Variants in CAPN2 observed in about 807,000 individuals in gnomAD.
CAPN2 encodes calpain 2.
CAPN2 carries 92 observed loss-of-function variants against 102.3 expected under a neutral mutation model. The observed-to-expected ratio is 0.90, with a 90% CI of 0.76 to 1.07. The LOEUF (loss-of-function observed/expected upper bound fraction) is 1.07, where lower values mean the gene tolerates loss of function less well. Among genes scored for constraint, CAPN2 ranks in the 50% least tolerant of loss-of-function variants. The pLI, the probability that CAPN2 is intolerant of heterozygous loss-of-function variation, is 0.00. For synonymous variants in CAPN2, 340 were observed against 355.4 expected (o/e 0.96, Z 0.49); for missense variants, 800 against 909.4 (o/e 0.88, Z 1.55).
In CAPN2 at chr1:223,759,624, G is replaced by A; in HGVS notation, c.1529+143G>A. The A allele has an allele frequency of 1.6e-6, 1 of 644,080 alleles. No homozygotes were observed. The highest frequency in any genetic ancestry group is 2.7e-6 in the Non-Finnish European group (1 of 374,560). The allele number at this position is 644,080 out of a possible 1,614,324, so 39.9% of individuals were successfully genotyped here. On this transcript the variant is annotated intron_variant, in intron 12 of 20. Coordinates refer to ENST00000295006, the MANE Select transcript of CAPN2 (RefSeq NM_001748.5). The surrounding 1 kb of genome is among the most constrained non-coding windows in gnomAD (Gnocchi z 4.6). ...CTGCCCACCTCGAAGGACTAGTGTG[G>A]GGATTTGATGGATTGAGGAAGTTCT...
In CAPN2 at chr1:223,756,706, C is replaced by T. The variant is rs1401420682; in HGVS notation, c.1306-663C>T. On this transcript the variant is annotated intron_variant, in intron 10 of 20. Coordinates refer to ENST00000295006, the MANE Select transcript of CAPN2 (RefSeq NM_001748.5). This position sits in a 1 kb window ranked among gnomAD's most constrained non-coding sequence, Gnocchi z 4.1. Reference sequence around the variant, plus strand: ...CCTGAGAAAGGCAGCTGGGCAAATACCATCAGTTGTAAAAATGCACATAGG... The same window carrying T: ...CCTGAGAAAGGCAGCTGGGCAAATATCATCAGTTGTAAAAATGCACATAGG... 6.6e-6 allele frequency among the ~76,000 whole-genome samples: 1 copy of T among 152,170 alleles called. No individual in the cohort carries two copies. Among genetic ancestry groups the T allele is most frequent in the Non-Finnish European group, 1.5e-5 (1 of 68,048 alleles).
At chr1:223,706,967 C>G (rs981832584) in intron 1 of CAPN2, among the ~76,000 whole-genome samples, 5 of 151,644 alleles carry the variant, frequency 3.3e-5, no homozygotes, top group African/African-American at 1.2e-4. Flanking sequence ...GTAATCCCAG[C>G]TACTCAAGAG....
At chr1:223,768,125 T>A (rs1231104464) in intron 16 of CAPN2, among the ~76,000 whole-genome samples, 1 of 151,834 alleles carries the variant, frequency 6.6e-6, no homozygotes, top group African/African-American at 2.4e-5. Context: ...GAAAATTTTC[T>A]CCCATTTTGT....
Position 223,754,378 on chromosome 1 carries a change from G to A in CAPN2, c.1136-1102G>A, listed in dbSNP as rs1452090220. Among the ~76,000 whole-genome samples, 3 of 152,170 alleles carry A rather than the reference G, an allele frequency of 2.0e-5. No individual in the cohort carries two copies. The highest frequency in any genetic ancestry group is 1.9e-4 in the East Asian group (1 of 5,200). On this transcript the variant is annotated intron_variant, in intron 9 of 20. Coordinates refer to ENST00000295006, the MANE Select transcript of CAPN2 (RefSeq NM_001748.5). This position sits in a 1 kb window ranked among gnomAD's most constrained non-coding sequence, Gnocchi z 4.7. ...CCTCCTACCCACTAGATCAGGAGTCGGAAAACTCCCTCTAAAGGGTCAGAT... is the reference window on the plus strand; with the variant it reads ...CCTCCTACCCACTAGATCAGGAGTCAGAAAACTCCCTCTAAAGGGTCAGAT...
chr1:223,720,226 C>CAT (rs1203810018), intron 2 of CAPN2, among the ~76,000 whole-genome samples: 1 of 151,992 alleles, frequency 6.6e-6, no homozygotes, highest in Non-Finnish European at 1.5e-5. Context: ...ATTCTAAAGC[C>CAT]ATTCCCGGGT....
chr1:223,756,771 C>A lies in CAPN2; in HGVS notation c.1306-598C>A, dbSNP rs752001770. Among the ~76,000 whole-genome samples the A allele has an allele frequency of 6.6e-6, 1 of 152,216 alleles. No homozygotes were observed. The highest frequency in any genetic ancestry group is 1.5e-5 in the Non-Finnish European group (1 of 68,048). ...TCTCTGAAACAGGAGCTGAGGACTT[C>A]GGATCTGGGACAGAATCGATCCAAG... On this transcript the variant is annotated intron_variant, in intron 10 of 20. Transcript: ENST00000295006. The surrounding 1 kb of genome is among the most constrained non-coding windows in gnomAD (Gnocchi z 4.1).
Position 223,725,579 on chromosome 1 carries a change from T to G in CAPN2, c.307+7748T>G, listed in dbSNP as rs1263155233. ...GCGTCGCTGAGGTGGAGACACATTG[T>G]GGCACATCTTGAATACCCGACTGGG... On this transcript the variant is annotated intron_variant, in intron 2 of 20. Transcript: ENST00000295006. The surrounding 1 kb of genome is among the most constrained non-coding windows in gnomAD (Gnocchi z 4.1). Among the ~76,000 whole-genome samples, 2 of 152,208 alleles carry G rather than the reference T, an allele frequency of 1.3e-5. No homozygotes were observed. The highest frequency in any genetic ancestry group is 4.8e-5 in the African/African-American group (2 of 41,440).
chr1:223,774,958 G>T lies in CAPN2; in HGVS notation c.*101G>T. ...TTGTATCTGGACCTCAAAATTATGG[G>T]AACATTTACTTAAACGGATGATCAT... On this transcript the variant is annotated 3_prime_UTR_variant, in exon 21 of 21. Coordinates refer to ENST00000295006, the MANE Select transcript of CAPN2 (RefSeq NM_001748.5). 2 of 959,964 alleles carry T rather than the reference G, an allele frequency of 2.1e-6. No homozygotes were observed. Among genetic ancestry groups the T allele is most frequent in the South Asian group, 1.4e-5 (1 of 71,938 alleles). The allele number at this position is 959,964 out of a possible 1,614,324, so 59.5% of individuals were successfully genotyped here.
intron 7 of CAPN2, among the ~76,000 whole-genome samples, chr1:223,751,259 C>T (rs1343479755): frequency 1.3e-5 from 2 of 152,164 alleles, no homozygotes; most frequent in Non-Finnish European, 2.9e-5. Context: ...TCAAATCCAC[C>T]CTTCTATGGG....
chr1:223,722,281 CTTTTTTTTTTTTTTTT>C (rs34894876), intron 2 of CAPN2, among the ~76,000 whole-genome samples: 3 of 85,514 alleles, frequency 3.5e-5, no homozygotes, highest in African/African-American at 1.3e-4. Flanking sequence ...TTCTTTCTTT[CTTTTTTTTTTTTTTTT>C]TTTTTTTTGA....
chr1:223,766,787 T>C (rs1007492702), intron 16 of CAPN2, among the ~76,000 whole-genome samples: 4 of 151,978 alleles, frequency 2.6e-5, no homozygotes, highest in South Asian at 2.1e-4. Context: ...TGGTGAAACC[T>C]TGTCTCTACT....
At chr1:223,723,462 C>T (rs1424060432) in intron 2 of CAPN2, among the ~76,000 whole-genome samples, 1 of 152,136 alleles carries the variant, frequency 6.6e-6, no homozygotes, top group Non-Finnish European at 1.5e-5. Context: ...TCCCAGCACC[C>T]CCCTTACCAG....
intron 16 of CAPN2, among the ~76,000 whole-genome samples, chr1:223,767,226 A>G (rs1661360995): frequency 6.6e-6 from 1 of 151,980 alleles, no homozygotes; most frequent in Non-Finnish European, 1.5e-5. Context: ...TTTAGGGTAC[A>G]TGTGCACAAT....
chr1:223,772,580 A>G lies in CAPN2; in HGVS notation c.2079+341A>G, dbSNP rs553506724. The G allele has an allele frequency of 1.6e-5, 4 of 250,858 alleles. No individual in the cohort carries two copies. In the East Asian group the frequency reaches 3.2e-4, roughly 20 times the overall value. 15.5% of individuals were successfully genotyped at this position (250,858 alleles called of 1,614,324 possible). ...AGGGAGAACATGTTTATATAAAGAA[A>G]TCCTTCAGCTGAAATTCAAGTTGGG... On this transcript the variant is annotated intron_variant, in intron 20 of 20. Transcript: ENST00000295006.
In CAPN2 at chr1:223,726,486, C is replaced by T. The variant is rs1322862850; in HGVS notation, c.307+8655C>T. 1.3e-5 allele frequency among the ~76,000 whole-genome samples: 2 copies of T among 152,146 alleles called. No individual in the cohort carries two copies. Among genetic ancestry groups the T allele is most frequent in the South Asian group, 2.1e-4 (1 of 4,828 alleles). ...GACAAAACATGCAACAGGTTATGTC[C>T]TTCTGGTCCAGGGCACGGCTGAGAC... On this transcript the variant is annotated intron_variant, in intron 2 of 20. Coordinates refer to ENST00000295006, the MANE Select transcript of CAPN2 (RefSeq NM_001748.5). The surrounding 1 kb of genome is among the most constrained non-coding windows in gnomAD (Gnocchi z 4.4).
chr1:223,748,466 G>A (rs3767716), intron 5 of CAPN2, among the ~76,000 whole-genome samples: 25,185 of 152,252 alleles, frequency 0.17, 2,793 homozygotes, highest in African/African-American at 0.3. Context: ...GGAAAGGAGA[G>A]GCTGTGAGGC....
rs971021799 is a variant in CAPN2 at position 223,750,984 on chromosome 1, G to A, written c.899+9G>A. On this transcript the variant is annotated intron_variant, in intron 7 of 20. Coordinates refer to ENST00000295006, the MANE Select transcript of CAPN2 (RefSeq NM_001748.5). The stretch of plus-strand genomic sequence containing the variant: ...GGGCGGTGGAATGACAAGTGAGGAG[G>A]GCGCAGGCCTCGGGGCCCCAGGCGG... The A allele has an allele frequency of 1.3e-6, 2 of 1,551,552 alleles. No homozygotes were observed. The highest frequency in any genetic ancestry group is 1.7e-6 in the Non-Finnish European group (2 of 1,146,816).
chr1:223,745,547 G>A, intron 4 of CAPN2, 108 bp downstream of exon 4: 2 of 1,284,564 alleles, frequency 1.6e-6, no homozygotes, highest in Non-Finnish European at 2.2e-6. Context: ...GAGGTGGGTG[G>A]ATCATTTGAG....
Position 223,707,284 on chromosome 1 carries a change from C to G in CAPN2, c.3+5453C>G, listed in dbSNP as rs117243833. 4.0e-3 allele frequency among the ~76,000 whole-genome samples: 613 copies of G among 152,182 alleles called. 21 individuals carry two copies. In the East Asian group the frequency reaches 0.066, roughly 16 times the overall value. ...TCTCTCTCTCTCTTTCTATCTCTCT[C>G]TCTCACTCCCTCTCTCATTTACTCA... On this transcript the variant is annotated intron_variant, in intron 1 of 20. Transcript: ENST00000433674.
Sources: allele counts gnomAD v4.1 joint callset (sites outside exome capture counted in the v4.1 genomes callset), GRCh38; gene constraint gnomAD v4.1.1; non-coding constraint Gnocchi (gnomAD v3.1); transcripts MANE v1.5; gene names NCBI Gene and HGNC (gene_info 2026-07-23, HGNC 2026-07-21).